CAMLG: variants seen among roughly 807,000 people sequenced by gnomAD.
The protein encoded by CAMLG is guided entry of tail-anchored proteins factor CAMLG.
Under a neutral mutation model 28.9 loss-of-function variants are expected in CAMLG, and 23 were observed. The observed-to-expected ratio is 0.80, with a 90% CI of 0.57 to 1.13. The LOEUF (loss-of-function observed/expected upper bound fraction) is 1.13, where lower values mean the gene tolerates loss of function less well. CAMLG is among the 50% of genes most tolerant of loss of function. The probability of loss-of-function intolerance (pLI) is 0.00; values close to 1 mark genes in which losing one functional copy is unlikely to be tolerated. For synonymous variants in CAMLG, 141 were observed against 146.5 expected (o/e 0.96, Z 0.27); for missense variants, 367 against 371.9 (o/e 0.99, Z 0.11).
intron 3 of CAMLG, among the ~76,000 whole-genome samples, chr5:134,744,890 GAT>G (rs1753027462): frequency 1.3e-5 from 2 of 152,154 alleles, no homozygotes; most frequent in Non-Finnish European, 2.9e-5. Flanking sequence ...CTTGACTACA[GAT>G]ATATACAGTT....
rs111562262 is a variant in CAMLG, at chr5:134,744,146, G to A, written c.699+94G>A. On this transcript the variant is annotated intron_variant, in intron 3 of 3. Transcript: ENST00000297156. ...ACTTAAAAATGTTAGTCCTGCTTACGGTCTGAATCAGTGCTACTCAAAGTG... is the reference window on the plus strand; with the variant it reads ...ACTTAAAAATGTTAGTCCTGCTTACAGTCTGAATCAGTGCTACTCAAAGTG... The A allele has an allele frequency of 4.1e-3, 2,674 of 650,832 alleles. 38 individuals are homozygous for A. The highest frequency in any genetic ancestry group is 0.036 in the African/African-American group (1,973 of 55,174). The allele number at this position is 650,832 out of a possible 1,614,324, so 40.3% of individuals were successfully genotyped here. A position where few individuals can be genotyped will look rare whatever the true frequency, so the allele number is the denominator to read the frequency against.
chr5:134,745,165 C>T (rs929421771), intron 3 of CAMLG, among the ~76,000 whole-genome samples: 15 of 152,146 alleles, frequency 9.9e-5, no homozygotes, highest in Non-Finnish European at 7.3e-5. Flanking sequence ...AGGCGGGGCG[C>T]GGTGGCTCAC....
At chr5:134,749,233 A>G (rs1485645545) in intron 3 of CAMLG, among the ~76,000 whole-genome samples, 1 of 151,818 alleles carries the variant, frequency 6.6e-6, no homozygotes, top group Non-Finnish European at 1.5e-5. Context: ...ACGCCTGGCT[A>G]ATTTTTTTGT....
At chr5:134,745,194 T>G (rs1479822266) in intron 3 of CAMLG, among the ~76,000 whole-genome samples, 1 of 151,862 alleles carries the variant, frequency 6.6e-6, no homozygotes, top group East Asian at 1.9e-4. Flanking sequence ...TCCCAGCACT[T>G]AGGGAGGCTG....
chr5:134,747,341 T>C (rs1051813273), intron 3 of CAMLG, among the ~76,000 whole-genome samples: 1 of 152,134 alleles, frequency 6.6e-6, no homozygotes, highest in African/African-American at 2.4e-5. Flanking sequence ...ATTTACTGTT[T>C]TAAGGTTCTT....
intron 1 of CAMLG, among the ~76,000 whole-genome samples, chr5:134,740,674 C>T (rs564064154): frequency 6.6e-6 from 1 of 152,178 alleles, no homozygotes; most frequent in Non-Finnish European, 1.5e-5. Flanking sequence ...GCAGTGTCTG[C>T]AACCTCCTCC....
In CAMLG at chr5:134,750,917, A is replaced by G. The variant is rs1395447676; in HGVS notation, c.858A>G (p.Glu286=). 1 of 1,613,764 alleles carries G rather than the reference A, an allele frequency of 6.2e-7. No homozygotes were observed. ...VYFFTFIFCH[E]LLDYWGSEVP ...TTTTCACTTTTATCTTTTGTCATGA[A>G]CTGCTTGATTATTGGGGCTCTGAAG... Residue 286 remains glutamate (E), a synonymous_variant, in exon 4 of 4, where the codon GAA becomes GAG. Transcript: ENST00000297156.
At chr5:134,743,373 CAT>C (rs371888229) in intron 2 of CAMLG, among the ~76,000 whole-genome samples, 148 of 152,232 alleles carry the variant, frequency 9.7e-4, no homozygotes, top group African/African-American at 3.3e-3. Context: ...ACTTGAGAAA[CAT>C]ATTTTATGTT....
rs1752951396 is a variant in CAMLG, at chr5:134,738,892, A to G, written c.172+100A>G. The G allele has an allele frequency of 5.1e-6, 6 of 1,186,772 alleles. No homozygotes were observed. The South Asian group carries it at 7.9e-5, about 16-fold the overall frequency. 73.5% of individuals were successfully genotyped at this position (1,186,772 alleles called of 1,614,324 possible). A position where few individuals can be genotyped will look rare whatever the true frequency, so the allele number is the denominator to read the frequency against. On this transcript the variant is annotated intron_variant, in intron 1 of 3. Transcript: ENST00000297156. ...TCCACTCCTCTGACCTTTTTGACCA[A>G]GCCTTGCTCTTTGATTTCCTCTCTG...
Position 134,748,214 on chromosome 5 carries a change from A to C in CAMLG, c.700-2545A>C, listed in dbSNP as rs553137907. Among the ~76,000 whole-genome samples the C allele has an allele frequency of 6.1e-5, 9 of 148,356 alleles. No homozygotes were observed. The East Asian group carries it at 2.0e-3, about 33-fold the overall frequency. The stretch of plus-strand genomic sequence containing the variant: ...CCAAAGTGCTGGGATTACAGGTGTG[A>C]GCCACCGCACCTGGCTTTTAGGTAA... On this transcript the variant is annotated intron_variant, in intron 3 of 3. Coordinates refer to ENST00000297156, the MANE Select transcript of CAMLG (RefSeq NM_001745.4).
intron 2 of CAMLG, 25 bp downstream of exon 2, chr5:134,741,548 A>C (rs1369763771): frequency 4.2e-6 from 6 of 1,436,358 alleles, no homozygotes; most frequent in Non-Finnish European, 5.8e-6. Context: ...GTAAATTATT[A>C]ACTAACTTAA....
At position 134,750,752 on chromosome 5, in the gene CAMLG, T is replaced by C. The variant is rs974184891; in HGVS notation, c.700-7T>C. 1.2e-6 allele frequency: 2 copies of C among 1,606,070 alleles called. No homozygotes were observed. The highest frequency in any genetic ancestry group is 2.2e-5 in the East Asian group (1 of 44,814). On this transcript the variant is annotated splice_region_variant and splice_polypyrimidine_tract_variant and intron_variant, in intron 3 of 3. Transcript: ENST00000297156. ...TTGAAGATTAATTTGAGTCTTTCTC[T>C]ACACAGAGTGAAAAGAAGATAAAGA...
chr5:134,739,003 G>A (rs1244891705), intron 1 of CAMLG, among the ~76,000 whole-genome samples: 1 of 151,880 alleles, frequency 6.6e-6, no homozygotes, highest in Non-Finnish European at 1.5e-5. Context: ...CCGGGGCCTC[G>A]CCGTGAGATT....
At chr5:134,738,891 A>G in intron 1 of CAMLG, 99 bp downstream of exon 1, 1 of 1,203,972 alleles carries the variant, frequency 8.3e-7, no homozygotes, top group Non-Finnish European at 1.2e-6. Flanking sequence ...CTTTTTGACC[A>G]AGCCTTGCTC....
Position 134,738,711 on chromosome 5 carries a change from C to T in CAMLG, c.91C>T (p.Leu31=), listed in dbSNP as rs763069452. The T allele has an allele frequency of 1.2e-6, 2 of 1,613,948 alleles. No individual in the cohort carries two copies. Among genetic ancestry groups the T allele is most frequent in the East Asian group, 4.5e-5 (2 of 44,856 alleles). Residue 31 remains leucine (L), a synonymous_variant, in exon 1 of 4, where the codon CTG becomes TTG. Transcript: ENST00000297156. The stretch of plus-strand genomic sequence containing the variant: ...GTCGGCTTCCCAGCGTCGGGCGGAG[C>T]TGCGTCGGAGAAAGCTGCTCATGAA... ...GLSASQRRAE[L]RRRKLLMNSE... is the part of the protein sequence containing the mutation.
chr5:134,748,359 C>A (rs997023550), intron 3 of CAMLG, among the ~76,000 whole-genome samples: 4 of 152,026 alleles, frequency 2.6e-5, no homozygotes, highest in Non-Finnish European at 5.9e-5. Flanking sequence ...CCAGTGTGGC[C>A]AACATGGTGA....
rs1376068399 is a variant in CAMLG, at chr5:134,751,138, A to G, written c.*188A>G. 1.9e-6 allele frequency: 1 copy of G among 517,480 alleles called. No homozygotes were observed. The highest frequency in any genetic ancestry group is 1.9e-5 in the African/African-American group (1 of 52,852). The allele number at this position is 517,480 out of a possible 1,614,324, so 32.1% of individuals were successfully genotyped here. On this transcript the variant is annotated 3_prime_UTR_variant, in exon 4 of 4. Transcript: ENST00000297156. ...TTAAAAGGGCTGAGTTTGTATTATT[A>G]CTGATATGAAGAATAGAGTACCAAT...
chr5:134,746,376 T>C (rs764246002), intron 3 of CAMLG, among the ~76,000 whole-genome samples: 5 of 152,170 alleles, frequency 3.3e-5, no homozygotes, highest in African/African-American at 9.7e-5. Flanking sequence ...ACAATACTTA[T>C]GTGTGTGATA....
At position 134,741,179 on chromosome 5, in the gene CAMLG, G is replaced by T; in HGVS notation, c.289G>T (p.Asp97Tyr). ...TGATTCAGTCAGTACAGGAACAACT[G>T]ACCAGCAGGGTGGTGTGGCCGAGGT... ...LGDSVSTGTT[D>Y]QQGGVAEVKG... Residue 97 changes from aspartate (D) to tyrosine (Y), a missense_variant, in exon 2 of 4, where the codon GAC becomes TAC. Asp to Tyr is a radical substitution (Grantham distance 160, BLOSUM62 -3). Transcript: ENST00000297156. 6.2e-7 allele frequency: 1 copy of T among 1,614,110 alleles called. No individual in the cohort carries two copies. Among genetic ancestry groups the T allele is most frequent in the South Asian group, 1.1e-5 (1 of 91,060 alleles).
Sources: gnomAD v4.1 joint callset for allele counts (sites outside exome capture counted in the v4.1 genomes callset) on GRCh38, gnomAD v4.1.1 for gene constraint, MANE v1.5 for transcripts, NCBI Gene and HGNC (gene_info 2026-07-23, HGNC 2026-07-21) for gene names.